The following ZNF488 variants were observed in gnomAD, a reference collection of about 807,000 sequenced individuals.
The protein encoded by ZNF488 is zinc finger protein 488.
Under a neutral mutation model 1.2 loss-of-function variants are expected in ZNF488, and 1 was observed. That is an observed-to-expected ratio of 0.86 (90% CI 0.30 to 4.07). ZNF488 has a LOEUF of 4.07. ZNF488 is among the 30% of genes most tolerant of loss of function. The pLI is 0.18. For missense variants in ZNF488, 450 were observed against 437.9 expected (o/e 1.03, Z -0.25); for synonymous variants, 185 against 190.1 (o/e 0.97, Z 0.22).
chr10:47,383,324 G>A (rs1401350586), intron 1 of ZNF488, among the ~76,000 whole-genome samples: 1 of 152,184 alleles, frequency 6.6e-6, no homozygotes, highest in Non-Finnish European at 1.5e-5. Flanking sequence ...GAAATTTACT[G>A]TTAATTTCTT....
intron 1 of ZNF488, among the ~76,000 whole-genome samples, chr10:47,373,205 T>G (rs919064824): frequency 1.3e-5 from 2 of 152,244 alleles, no homozygotes; most frequent in Non-Finnish European, 2.9e-5. Flanking sequence ...CAGTGAGCTT[T>G]GCTGGTTTTT....
In ZNF488 at chr10:47,368,424, G is replaced by A. The variant is rs1352501069; in HGVS notation, c.406C>T (p.Gln136Ter). ...TGQPGAPQLT[Q>*]NIPRGPAGSK... ...CCAGCTGGGCCTCTGGGGATGTTCTGGGTCAGCTGTGGGGCACCAGGTTGG... is the reference window on the plus strand; with the variant it reads ...CCAGCTGGGCCTCTGGGGATGTTCTAGGTCAGCTGTGGGGCACCAGGTTGG... The change falls in exon 2 of 2, where the codon CAG (glutamine) becomes TAG (stop). Residue 136 changes from glutamine to a stop codon, truncating the protein, a stop_gained. Transcript: ENST00000585316. LOFTEE classifies it low-confidence loss of function (END_TRUNC). 1.2e-6 allele frequency: 2 copies of A among 1,614,010 alleles called. No individual in the cohort carries two copies. The highest frequency in any genetic ancestry group is 2.7e-5 in the African/African-American group (2 of 74,924).
intron 1 of ZNF488, among the ~76,000 whole-genome samples, chr10:47,375,944 A>G (rs782341303): frequency 7.4e-4 from 113 of 152,318 alleles, no homozygotes; most frequent in Admixed American, 1.4e-3. Context: ...GGCAGTGACA[A>G]GAGTGGGTTA....
rs781909750 is a variant in ZNF488, at chr10:47,368,690, G to A, written c.140C>T (p.Pro47Leu). The A allele has an allele frequency of 6.2e-7, 1 of 1,612,788 alleles. No individual in the cohort carries two copies. Among genetic ancestry groups the A allele is most frequent in the Non-Finnish European group, 8.5e-7 (1 of 1,180,034 alleles). The stretch of plus-strand genomic sequence containing the variant: ...GCGGTTCGTCTTCTCGAGCAGCACT[G>A]GCTTGCAGCCCCGGCCCAGCTCAGG... ...SEPELGRGCK[P>L]VLLEKTNRLG... Residue 47 changes from proline (P) to leucine (L), a missense_variant, in exon 2 of 2, where the codon CCA becomes CTA. Transcript: ENST00000585316.
intron 1 of ZNF488, among the ~76,000 whole-genome samples, chr10:47,370,881 T>C (rs1245097645): frequency 6.6e-6 from 1 of 151,974 alleles, no homozygotes; most frequent in Non-Finnish European, 1.5e-5. Context: ...GACCACCAGG[T>C]CATTTGTTCA....
At chr10:47,375,867 A>C (rs939219436) in intron 1 of ZNF488, among the ~76,000 whole-genome samples, 53 of 152,326 alleles carry the variant, frequency 3.5e-4, no homozygotes, top group African/African-American at 1.2e-3. Context: ...AAGAGGCAGG[A>C]GGCCTCCAAA....
intron 1 of ZNF488, among the ~76,000 whole-genome samples, chr10:47,370,896 T>C (rs1016267046): frequency 1.3e-5 from 2 of 152,210 alleles, no homozygotes; most frequent in Non-Finnish European, 2.9e-5. Flanking sequence ...TGTTCATTGA[T>C]TCCCTCTTCC....
In ZNF488 at chr10:47,367,926, G is replaced by C. The variant is rs1555213063; in HGVS notation, c.904C>G (p.His302Asp). The C allele has an allele frequency of 6.2e-7, 1 of 1,614,000 alleles. No homozygotes were observed. The highest frequency in any genetic ancestry group is 2.2e-5 in the East Asian group (1 of 44,884). The stretch of plus-strand genomic sequence containing the variant: ...TGAGAATGTGGGTCAGGCCCCGCAT[G>C]CTCCTTTTTGTGGTGGGATCGCATG... ...FHMRSHHKKE[H>D]AGPDPHSQKR... The change falls in exon 2 of 2, where the codon CAT becomes GAT. Residue 302 changes from histidine to aspartate, a missense_variant. Physicochemically the swap from His to Asp is moderately conservative, Grantham distance 81. Transcript: ENST00000585316.
chr10:47,374,012 A>T (rs1837579095), intron 1 of ZNF488, among the ~76,000 whole-genome samples: 1 of 152,152 alleles, frequency 6.6e-6, no homozygotes, highest in Non-Finnish European at 1.5e-5. Flanking sequence ...CCAAAATAAC[A>T]AGGAAAGCTT....
At chr10:47,379,535 G>A (rs782268380) in intron 1 of ZNF488, among the ~76,000 whole-genome samples, 5 of 145,170 alleles carry the variant, frequency 3.4e-5, no homozygotes, top group Non-Finnish European at 4.5e-5. Context: ...CACCGCTGTC[G>A]CATGCATCAG....
At chr10:47,382,737 T>A (rs1201956512) in intron 1 of ZNF488, among the ~76,000 whole-genome samples, 1 of 152,250 alleles carries the variant, frequency 6.6e-6, no homozygotes, top group Non-Finnish European at 1.5e-5. Flanking sequence ...TGCACCTTCA[T>A]CATACTTAAT....
At chr10:47,382,909 C>T (rs1338765857) in intron 1 of ZNF488, among the ~76,000 whole-genome samples, 1 of 152,158 alleles carries the variant, frequency 6.6e-6, no homozygotes, top group Non-Finnish European at 1.5e-5. Flanking sequence ...TAATTAAGAT[C>T]TTTACAAACA....
intron 1 of ZNF488, among the ~76,000 whole-genome samples, chr10:47,369,612 C>A (rs563875056): frequency 6.6e-6 from 1 of 152,172 alleles, no homozygotes; most frequent in African/African-American, 2.4e-5. Context: ...TCAGCTTCTG[C>A]GCGGTCTCTG....
At position 47,367,234 on chromosome 10, in the gene ZNF488, G is replaced by A. The variant is rs535525704; in HGVS notation, c.*573C>T. The stretch of plus-strand genomic sequence containing the variant: ...AACCTGAGCCAACCCACAGACTCAC[G>A]ACTTAGGCAGATGCTTTAGCTTGTC... On this transcript the variant is annotated 3_prime_UTR_variant, in exon 2 of 2. Coordinates refer to ENST00000585316, the MANE Select transcript of ZNF488 (RefSeq NM_153034.4). 1.2e-5 allele frequency: 2 copies of A among 167,672 alleles called. No individual in the cohort carries two copies. The highest frequency in any genetic ancestry group is 2.1e-4 in the South Asian group (1 of 4,838). 10.4% of individuals were successfully genotyped at this position (167,672 alleles called of 1,614,324 possible).
Position 47,367,928 on chromosome 10 carries a change from T to G in ZNF488, c.902A>C (p.Glu301Ala). Reference protein sequence around the residue: ...VFHMRSHHKKEHAGPDPHSQK... With the variant: ...VFHMRSHHKKAHAGPDPHSQK... ...AGAATGTGGGTCAGGCCCCGCATGC[T>G]CCTTTTTGTGGTGGGATCGCATGTG... The change falls in exon 2 of 2, where the codon GAG becomes GCG. Residue 301 changes from glutamate to alanine, a missense_variant. Coordinates refer to ENST00000585316, the MANE Select transcript of ZNF488 (RefSeq NM_153034.4). 2 of 1,614,108 alleles carry G rather than the reference T, an allele frequency of 1.2e-6. No homozygotes were observed. The highest frequency in any genetic ancestry group is 2.2e-5 in the South Asian group (2 of 91,086).
intron 1 of ZNF488, among the ~76,000 whole-genome samples, chr10:47,376,081 G>T (rs1837669207): frequency 6.6e-6 from 1 of 151,984 alleles, no homozygotes; most frequent in Non-Finnish European, 1.5e-5. Context: ...AGGATGAATA[G>T]CATGGAAGTA....
At chr10:47,380,424 A>C (rs1230745647) in intron 1 of ZNF488, among the ~76,000 whole-genome samples, 1 of 152,296 alleles carries the variant, frequency 6.6e-6, no homozygotes, top group Non-Finnish European at 1.5e-5. Context: ...GAGCTCCCCA[A>C]GTCTACAGGG....
At chr10:47,375,440 T>A (rs534027617) in intron 1 of ZNF488, among the ~76,000 whole-genome samples, 1 of 152,324 alleles carries the variant, frequency 6.6e-6, no homozygotes, top group Non-Finnish European at 1.5e-5. Context: ...ATGGGATTAT[T>A]TATGGAAATG....
At chr10:47,383,861 A>C (rs533639029) in intron 1 of ZNF488, among the ~76,000 whole-genome samples, 2 of 152,226 alleles carry the variant, frequency 1.3e-5, no homozygotes, top group East Asian at 3.9e-4. Flanking sequence ...CATAGGCAGA[A>C]TTCTTGAGTG....
Sources: gnomAD v4.1 joint callset for allele counts (sites outside exome capture counted in the v4.1 genomes callset) on GRCh38, gnomAD v4.1.1 for gene constraint, MANE v1.5 for transcripts, NCBI Gene and HGNC (gene_info 2026-07-23, HGNC 2026-07-21) for gene names.